Variants in UBA2 observed in about 807,000 individuals in gnomAD.
The protein encoded by UBA2 is ubiquitin like modifier activating enzyme 2.
A neutral mutation model predicts 77.2 loss-of-function variants in UBA2; 11 were observed. The observed-to-expected ratio is 0.14, with a 90% CI of 0.09 to 0.24. UBA2 has a LOEUF of 0.24. Among genes scored for constraint, UBA2 ranks in the 10% least tolerant of loss-of-function variants. The pLI, the probability that UBA2 is intolerant of heterozygous loss-of-function variation, is 1.00. For missense variants in UBA2, 487 were observed against 781.7 expected (o/e 0.62, Z 4.50); for synonymous variants, 278 against 276.7 (o/e 1.00, Z -0.05).
intron 6 of UBA2, among the ~76,000 whole-genome samples, chr19:34,441,875 C>T (rs1433398456): frequency 6.7e-6 from 1 of 149,308 alleles, no homozygotes; most frequent in African/African-American, 2.5e-5. Flanking sequence ...GAATGGAGAT[C>T]ATGCTACTGC....
chr19:34,443,464 C>T (rs1239493810), intron 6 of UBA2, among the ~76,000 whole-genome samples: 4 of 121,030 alleles, frequency 3.3e-5, no homozygotes, highest in Admixed American at 1.0e-4. Context: ...TTTTTTGAGA[C>T]GGAGTCTTGC....
chr19:34,428,657 CTCA>C, intron 1 of UBA2, 87 bp downstream of exon 1: 1 of 1,193,212 alleles, frequency 8.4e-7, no homozygotes, highest in Non-Finnish European at 1.0e-6. Context: ...GGCTCTGAGG[CTCA>C]GGGCCCGGAG....
intron 8 of UBA2, among the ~76,000 whole-genome samples, chr19:34,446,873 TG>T (rs1214980179): frequency 6.6e-6 from 1 of 152,186 alleles, no homozygotes; most frequent in African/African-American, 2.4e-5. Flanking sequence ...CCCAAAGTGC[TG>T]GGATTACAGG....
At chr19:34,432,359 T>G (rs1016150991) in intron 3 of UBA2, among the ~76,000 whole-genome samples, 7 of 152,192 alleles carry the variant, frequency 4.6e-5, no homozygotes, top group African/African-American at 1.7e-4. Flanking sequence ...GTATTGACAG[T>G]ACATAAATAT....
chr19:34,432,560 G>GTT (rs11419368), intron 3 of UBA2, among the ~76,000 whole-genome samples: 3 of 151,274 alleles, frequency 2.0e-5, no homozygotes, highest in South Asian at 2.1e-4. Flanking sequence ...TCCGGATTGT[G>GTT]TTTTTTTTGT....
chr19:34,456,835 G>A (rs1029569633), intron 12 of UBA2, among the ~76,000 whole-genome samples: 3 of 152,028 alleles, frequency 2.0e-5, no homozygotes, highest in Non-Finnish European at 2.9e-5. Flanking sequence ...TAGAATTACA[G>A]GAGTGAGCCA....
At chr19:34,432,266 G>GT (rs893528673) in intron 3 of UBA2, among the ~76,000 whole-genome samples, 1 of 151,870 alleles carries the variant, frequency 6.6e-6, no homozygotes. Context: ...GCCTTTTTTT[G>GT]TTTAAAAGTT....
chr19:34,467,341 G>A (rs150809044), intron 16 of UBA2, among the ~76,000 whole-genome samples: 1 of 151,722 alleles, frequency 6.6e-6, no homozygotes, highest in Non-Finnish European at 1.5e-5. Context: ...GCATGGTAGC[G>A]TGTACCTGTA....
At chr19:34,439,965 G>A (rs1423205293) in intron 6 of UBA2, among the ~76,000 whole-genome samples, 1 of 152,164 alleles carries the variant, frequency 6.6e-6, no homozygotes, top group Non-Finnish European at 1.5e-5. Context: ...AGAAAAAAAA[G>A]GGATGATAAT....
At chr19:34,436,146 TGTCTAAGA>T (rs2075305987) in intron 5 of UBA2, among the ~76,000 whole-genome samples, 6 of 151,688 alleles carry the variant, frequency 4.0e-5, no homozygotes, top group Non-Finnish European at 7.4e-5. Flanking sequence ...AAAATTCTGT[TGTCTAAGA>T]GTCTGGGCTT....
chr19:34,433,144 A>G, intron 3 of UBA2: 1 of 487,782 alleles, frequency 2.1e-6, no homozygotes, highest in South Asian at 3.0e-5. Flanking sequence ...TAGCTGGCCA[A>G]AAAGGATAGG....
At chr19:34,442,787 G>A (rs1423935656) in intron 6 of UBA2, among the ~76,000 whole-genome samples, 2 of 152,174 alleles carry the variant, frequency 1.3e-5, no homozygotes, top group African/African-American at 4.8e-5. Flanking sequence ...AAAATCATTG[G>A]TGGACCATTT....
At chr19:34,454,382 C>A in intron 11 of UBA2, 29 bp downstream of exon 11, 1 of 1,586,960 alleles carries the variant, frequency 6.3e-7, no homozygotes, top group Non-Finnish European at 8.6e-7. Context: ...AGTTGTATCA[C>A]TAAAACCTTG....
chr19:34,451,963 A>G lies in UBA2; in HGVS notation c.872-18A>G, dbSNP rs2075504407. On this transcript the variant is annotated intron_variant, in intron 9 of 16. Transcript: ENST00000246548. Reference sequence around the variant, plus strand: ...TGTTAATTAGTGAAATTTCTAATATATATATTTTTTTCTTTAGGAGAAGAA... The same window carrying G: ...TGTTAATTAGTGAAATTTCTAATATGTATATTTTTTTCTTTAGGAGAAGAA... 2.1e-6 allele frequency: 3 copies of G among 1,453,616 alleles called. No homozygotes were observed. Among genetic ancestry groups the G allele is most frequent in the Non-Finnish European group, 2.8e-6 (3 of 1,075,546 alleles). The allele number at this position is 1,453,616 out of a possible 1,614,324, so 90.0% of individuals were successfully genotyped here. A position where few individuals can be genotyped will look rare whatever the true frequency, so the allele number is the denominator to read the frequency against.
intron 1 of UBA2, 106 bp downstream of exon 1, chr19:34,428,676 G>C (rs967645164): frequency 8.2e-7 from 1 of 1,220,002 alleles, no homozygotes. Flanking sequence ...CGGAGCCCGG[G>C]ACCGGAGTTG....
At chr19:34,464,552 C>CGTCTCAAAAAAAAAAA in intron 15 of UBA2, among the ~76,000 whole-genome samples, 1 of 114,744 alleles carries the variant, frequency 8.7e-6, no homozygotes, top group Non-Finnish European at 2.1e-5. Context: ...AGTGAGACTC[C>CGTCTCAAAAAAAAAAA]AACTTAAAAA....
chr19:34,434,612 C>T (rs1335139055), intron 4 of UBA2, among the ~76,000 whole-genome samples: 1 of 152,102 alleles, frequency 6.6e-6, no homozygotes, highest in Non-Finnish European at 1.5e-5. Flanking sequence ...AAATATGGCA[C>T]GTTGGATTTT....
intron 7 of UBA2, 83 bp from the exon 8 acceptor site, chr19:34,444,915 CTT>C: frequency 7.0e-7 from 1 of 1,419,610 alleles, no homozygotes; most frequent in African/African-American, 1.5e-5. Context: ...CCATGAGTGA[CTT>C]TCTTTTTATT....
Position 34,430,621 on chromosome 19 carries a change from T to G in UBA2, c.184T>G (p.Leu62Val). The G allele has an allele frequency of 6.2e-7, 1 of 1,613,984 alleles. No individual in the cohort carries two copies. Among genetic ancestry groups the G allele is most frequent in the Non-Finnish European group, 8.5e-7 (1 of 1,179,906 alleles). The change falls in exon 2 of 17, where the codon TTG (leucine) becomes GTG (valine). Residue 62 changes from leucine (L) to valine (V), a missense_variant. Physicochemically the swap from Leu to Val is conservative, Grantham distance 32. This residue lies in a region of UBA2 where 6 missense variants were observed against 37.2 expected (regional missense o/e 0.16). Transcript: ENST00000246548. ...IDVSNLNRQF[L>V]FQKKHVGRSK... ...TGTAAGCAACCTCAACAGACAGTTT[T>G]TGTTTCAAAAGAAACATGTTGGAAG...
Sources: gnomAD v4.1 joint callset for allele counts (sites outside exome capture counted in the v4.1 genomes callset) on GRCh38, gnomAD v4.1.1 for gene constraint, gnomAD v4.1.1 regional missense constraint, MANE v1.5 for transcripts, NCBI Gene and HGNC (gene_info 2026-07-23, HGNC 2026-07-21) for gene names.